Variants in CTNNA2 observed in about 807,000 individuals in gnomAD.
CTNNA2 encodes catenin alpha-2.
CTNNA2 carries 42 observed loss-of-function variants against 101.0 expected under a neutral mutation model. That is an observed-to-expected ratio of 0.42 (90% CI 0.32 to 0.54). The LOEUF (loss-of-function observed/expected upper bound fraction) is 0.54, where lower values mean the gene tolerates loss of function less well. Ranked by LOEUF, CTNNA2 falls within the 20% of genes least tolerant of loss-of-function variation. The probability of loss-of-function intolerance (pLI) is 0.14; values close to 1 mark genes in which losing one functional copy is unlikely to be tolerated. For synonymous variants in CTNNA2, 450 were observed against 456.4 expected, an observed-to-expected ratio of 0.99 and a Z score of 0.18; for missense variants, 871 against 1,223.1, an observed-to-expected ratio of 0.71 and a Z score of 4.29.
rs530847130 is a variant in CTNNA2 at position 79,784,917 on chromosome 2, G to A, written c.298+40335G>A. 7.2e-5 allele frequency among the ~76,000 whole-genome samples: 11 copies of A among 152,182 alleles called. No individual in the cohort carries two copies. The South Asian group carries it at 1.0e-3, about 14-fold the overall frequency. On this transcript the variant is annotated intron_variant, in intron 3 of 18. Transcript: ENST00000402739. ...TATTAGAAGTCAGGTTGCCCGTGAA[G>A]CTTAGTGACTGGGAGGCATTGTATG...
chr2:80,103,930 C>T (rs767746698), intron 7 of CTNNA2, among the ~76,000 whole-genome samples: 5 of 152,132 alleles, frequency 3.3e-5, no homozygotes, highest in Non-Finnish European at 5.9e-5. Context: ...GATTGGGTTT[C>T]GCCATGTTGG....
intron 3 of CTNNA2, among the ~76,000 whole-genome samples, chr2:79,750,425 A>G (rs1325571912): frequency 1.3e-5 from 2 of 152,182 alleles, no homozygotes; most frequent in African/African-American, 2.4e-5. Flanking sequence ...CCAATTTGAG[A>G]AGAAGTGGAC....
intron 7 of CTNNA2, among the ~76,000 whole-genome samples, chr2:80,207,550 G>T (rs974728436): frequency 3.9e-5 from 6 of 152,158 alleles, no homozygotes; most frequent in Non-Finnish European, 8.8e-5. Context: ...GAAGTGTGGA[G>T]ACAGATGAGG....
chr2:79,270,531 C>T (rs1343330096), intron 2 of CTNNA2, among the ~76,000 whole-genome samples: 1 of 152,100 alleles, frequency 6.6e-6, no homozygotes, highest in Non-Finnish European at 1.5e-5. Flanking sequence ...CTACCTTGCT[C>T]TTACATGGCA....
At chr2:79,440,441 G>C (rs955936331) in intron 4 of CTNNA2, among the ~76,000 whole-genome samples, 3 of 152,114 alleles carry the variant, frequency 2.0e-5, no homozygotes, top group Non-Finnish European at 4.4e-5. Context: ...AAAAGGAAAG[G>C]AGAATCCTTA....
chr2:79,898,998 G>C (rs1166860419), intron 6 of CTNNA2, among the ~76,000 whole-genome samples: 1 of 152,192 alleles, frequency 6.6e-6, no homozygotes, highest in African/African-American at 2.4e-5. Context: ...TGAAGGGAAG[G>C]AGGAGTATGA....
In CTNNA2 at chr2:80,023,572, TG is replaced by T. The variant is rs1286200264; in HGVS notation, c.1056+113779del. Among the ~76,000 whole-genome samples the T allele has an allele frequency of 7.9e-5, 12 of 152,222 alleles. No homozygotes were observed. In the South Asian group the frequency reaches 1.2e-3, roughly 16 times the overall value. On this transcript the variant is annotated intron_variant, in intron 7 of 18. Transcript: ENST00000402739. Reference sequence around the variant, plus strand: ...TATTTCCAAAGTACGTAGGACTTTGTGGGGAATTTGTTTTTGCATGTAAAAT... The same window carrying T: ...TATTTCCAAAGTACGTAGGACTTTGTGGGAATTTGTTTTTGCATGTAAAAT...
rs144771427 is a variant in CTNNA2, at chr2:80,604,404, T to C, written c.2295+225T>C. Among the ~76,000 whole-genome samples, 252 of 152,040 alleles carry C rather than the reference T, an allele frequency of 1.7e-3. 1 individual carries two copies. Among genetic ancestry groups the C allele is most frequent in the African/African-American group, 5.9e-3 (246 of 41,536 alleles). On this transcript the variant is annotated intron_variant, in intron 16 of 18. Transcript: ENST00000402739. ...GCTAAGGCTTCTGACCAAAATTCCT[T>C]GAGAAAGAAGAACATACTACTTAGG...
chr2:80,317,671 C>A (rs946706143), intron 7 of CTNNA2, among the ~76,000 whole-genome samples: 1 of 152,098 alleles, frequency 6.6e-6, no homozygotes, highest in African/African-American at 2.4e-5. Context: ...TTGCTGTTTG[C>A]GTAGAAAAAG....
intron 4 of CTNNA2, among the ~76,000 whole-genome samples, chr2:79,469,287 G>A (rs902743645): frequency 2.0e-5 from 3 of 152,096 alleles, no homozygotes; most frequent in African/African-American, 7.2e-5. Context: ...AGAAGAAATG[G>A]ATACATTCCT....
chr2:80,645,132 G>A (rs151004658), intron 18 of CTNNA2, among the ~76,000 whole-genome samples: 4 of 152,124 alleles, frequency 2.6e-5, no homozygotes, highest in South Asian at 4.1e-4. Flanking sequence ...TCAATGAAAC[G>A]TCCCTGTCAT....
At chr2:79,644,246 G>C (rs750768826) in intron 1 of CTNNA2, among the ~76,000 whole-genome samples, 2 of 151,994 alleles carry the variant, frequency 1.3e-5, no homozygotes, top group Non-Finnish European at 2.9e-5. Context: ...CAACATGTTG[G>C]CCAGGCTGGT....
chr2:80,581,718 C>T lies in CTNNA2; in HGVS notation c.1906C>T (p.Leu636=), dbSNP rs1325494199. The change falls in exon 14 of 19, where the codon CTA becomes TTA. Residue 636 remains leucine (L), a synonymous_variant. Coordinates refer to ENST00000402739, the MANE Select transcript of CTNNA2 (RefSeq NM_001282597.3). The part of the protein sequence containing the change: ...AVLMIRTPEE[L]EDDSDFEQED... ...TTTTTGTCTTTAGACCCCAGAAGAA[C>T]TAGAGGATGATTCTGACTTTGAGCA... 1 of 1,608,484 alleles carries T rather than the reference C, an allele frequency of 6.2e-7. No homozygotes were observed. Among genetic ancestry groups the T allele is most frequent in the Non-Finnish European group, 8.5e-7 (1 of 1,175,254 alleles).
intron 2 of CTNNA2, among the ~76,000 whole-genome samples, chr2:79,308,701 T>C (rs1412211409): frequency 6.6e-6 from 1 of 152,078 alleles, no homozygotes; most frequent in African/African-American, 2.4e-5. Context: ...GGTGGGAGTC[T>C]GGTTTCATTC....
At chr2:80,589,703 T>C (rs924244320) in intron 15 of CTNNA2, among the ~76,000 whole-genome samples, 2 of 152,230 alleles carry the variant, frequency 1.3e-5, no homozygotes, top group African/African-American at 4.8e-5. Flanking sequence ...GTTGTAATTA[T>C]TGTTGTTATA....
Position 79,333,871 on chromosome 2 carries a change from C to T in CTNNA2, c.-318+21075C>T, listed in dbSNP as rs146578650. On this transcript the variant is annotated intron_variant, in intron 3 of 21. Transcript: ENST00000466387. ...TGATCTATTTTTTAACGTATGTCTC[C>T]AAAGGCAATTTTTAAAGCATTTTTT... is the stretch of plus-strand genomic sequence containing the variant. Among the ~76,000 whole-genome samples the T allele has an allele frequency of 2.0e-5, 3 of 152,118 alleles. No homozygotes were observed. In the East Asian group the frequency reaches 5.8e-4, roughly 29 times the overall value.
intron 13 of CTNNA2, among the ~76,000 whole-genome samples, chr2:80,578,116 T>G (rs1172341580): frequency 3.9e-5 from 6 of 152,292 alleles, no homozygotes; most frequent in Admixed American, 1.3e-4. Flanking sequence ...TCAAGCCACA[T>G]GATCTCCCTG....
intron 4 of CTNNA2, among the ~76,000 whole-genome samples, chr2:79,412,377 G>A (rs1678424985): frequency 6.6e-6 from 1 of 151,932 alleles, no homozygotes; most frequent in African/African-American, 2.4e-5. Context: ...ATTGAACTCA[G>A]CTCTGCACCA....
intron 4 of CTNNA2, among the ~76,000 whole-genome samples, chr2:79,458,485 A>T (rs1248512751): frequency 6.6e-6 from 1 of 152,106 alleles, no homozygotes; most frequent in African/African-American, 2.4e-5. Flanking sequence ...TTTTCATTAG[A>T]AACACTTGGA....
Sources: gnomAD v4.1 joint callset for allele counts (sites outside exome capture counted in the v4.1 genomes callset) on GRCh38, gnomAD v4.1.1 for gene constraint, MANE v1.5 for transcripts, NCBI Gene and HGNC (gene_info 2026-07-23, HGNC 2026-07-21) for gene names.